TYW1: variants seen among roughly 807,000 people sequenced by gnomAD.
TYW1 encodes the protein tRNA-yW synthesizing protein 1 homolog, also known as S-adenosyl-L-methionine-dependent tRNA 4-demethylwyosine synthase TYW1.
In TYW1, 46 loss-of-function variants were observed where a neutral mutation model predicts 96.2. That is an observed-to-expected ratio of 0.48 (90% CI 0.38 to 0.61). The LOEUF is 0.61. Among genes scored for constraint, TYW1 ranks in the 20% least tolerant of loss-of-function variants. The probability of loss-of-function intolerance (pLI) is 0.00; values close to 1 mark genes in which losing one functional copy is unlikely to be tolerated. For missense variants in TYW1, 684 were observed against 909.6 expected (o/e 0.75, Z 3.19); for synonymous variants, 274 against 323.0 (o/e 0.85, Z 1.63).
At chr7:67,122,980 A>G (rs891741615) in intron 13 of TYW1, among the ~76,000 whole-genome samples, 4 of 152,230 alleles carry the variant, frequency 2.6e-5, no homozygotes, top group Non-Finnish European at 5.9e-5. Flanking sequence ...GAAGCATAAG[A>G]TAATGGTACA....
At chr7:67,013,795 G>C (rs1793905275) in intron 4 of TYW1, among the ~76,000 whole-genome samples, 1 of 140,308 alleles carries the variant, frequency 7.1e-6, no homozygotes, top group Non-Finnish European at 1.5e-5. Context: ...CCAGGCTGGA[G>C]TGCAGTGACG....
chr7:67,037,364 C>T (rs571605730), intron 7 of TYW1, among the ~76,000 whole-genome samples: 96 of 151,906 alleles, frequency 6.3e-4, no homozygotes, highest in Non-Finnish European at 1.2e-3. Context: ...ATTAGCCAGG[C>T]GTGGTGGTGC....
At position 66,998,144 on chromosome 7, in the gene TYW1, T is replaced by C; in HGVS notation, c.84T>C (p.Phe28=). ...WINRFYIYLG[F]AVSISLWICV... is the part of the protein sequence containing the mutation. Reference sequence around the variant, plus strand: ...ACAGGTTTTACATTTATTTGGGCTTTGCTGTTAGCATTAGCCTTTGGATTT... The same window carrying C: ...ACAGGTTTTACATTTATTTGGGCTTCGCTGTTAGCATTAGCCTTTGGATTT... The change falls in exon 2 of 16, where the codon TTT becomes TTC. Residue 28 remains phenylalanine (F), a synonymous_variant. Coordinates refer to ENST00000359626, the MANE Select transcript of TYW1 (RefSeq NM_018264.4). The C allele has an allele frequency of 6.2e-7, 1 of 1,613,364 alleles. No homozygotes were observed. The highest frequency in any genetic ancestry group is 8.5e-7 in the Non-Finnish European group (1 of 1,179,828).
intron 13 of TYW1, among the ~76,000 whole-genome samples, chr7:67,127,585 T>C (rs1270116979): frequency 6.6e-6 from 1 of 152,216 alleles, no homozygotes; most frequent in Non-Finnish European, 1.5e-5. Context: ...TTTGGCCAAA[T>C]TGCTATCTGT....
At chr7:67,120,244 G>C (rs1156283582) in intron 13 of TYW1, among the ~76,000 whole-genome samples, 2 of 151,902 alleles carry the variant, frequency 1.3e-5, no homozygotes, top group East Asian at 3.9e-4. Flanking sequence ...ACCATGCCCG[G>C]CTAATTTTTG....
chr7:67,108,840 A>C (rs1371440958), intron 12 of TYW1, among the ~76,000 whole-genome samples: 1 of 152,204 alleles, frequency 6.6e-6, no homozygotes, highest in Non-Finnish European at 1.5e-5. Context: ...CAGGGTCGAA[A>C]TTGTATAGAG....
intron 5 of TYW1, among the ~76,000 whole-genome samples, chr7:67,015,928 A>G (rs1361845322): frequency 6.6e-6 from 1 of 151,250 alleles, no homozygotes; most frequent in Non-Finnish European, 1.5e-5. Flanking sequence ...TCACCACTGC[A>G]CTCTAGCCTG....
intron 7 of TYW1, among the ~76,000 whole-genome samples, chr7:67,029,999 C>T (rs556124617): frequency 2.0e-5 from 3 of 152,290 alleles, no homozygotes; most frequent in Admixed American, 1.3e-4. Flanking sequence ...AAGAGATACT[C>T]TGGGGAGTGG....
chr7:67,103,552 C>T (rs544004180), intron 12 of TYW1, among the ~76,000 whole-genome samples: 20 of 152,232 alleles, frequency 1.3e-4, no homozygotes, highest in African/African-American at 4.1e-4. Flanking sequence ...GAGGCCTCTC[C>T]GAATTAAACT....
At chr7:67,035,143 G>A (rs897398767) in intron 7 of TYW1, among the ~76,000 whole-genome samples, 4 of 149,876 alleles carry the variant, frequency 2.7e-5, no homozygotes, top group African/African-American at 9.8e-5. Context: ...TTTTGAGATG[G>A]AGTCTTGCTC....
chr7:67,206,622 CATAAATAAATAAATAA>C (rs10622608), intron 15 of TYW1, among the ~76,000 whole-genome samples: 41 of 143,510 alleles, frequency 2.9e-4, no homozygotes, highest in East Asian at 1.2e-3. Context: ...CTGTCTCAAA[CATAAATAAATAAATAA>C]ATAAATAAAT....
intron 12 of TYW1, among the ~76,000 whole-genome samples, chr7:67,101,880 A>G (rs1195783257): frequency 6.6e-6 from 1 of 152,216 alleles, no homozygotes; most frequent in Admixed American, 6.5e-5. Context: ...GTGTATTGTC[A>G]TAAAGATATC....
chr7:67,085,016 G>A (rs930812062), intron 11 of TYW1, among the ~76,000 whole-genome samples: 7 of 151,906 alleles, frequency 4.6e-5, no homozygotes, highest in African/African-American at 1.5e-4. Flanking sequence ...CTTCTTTTCC[G>A]TCATATGCAA....
chr7:67,236,313 G>A (rs552448405), intron 15 of TYW1, among the ~76,000 whole-genome samples: 4 of 152,326 alleles, frequency 2.6e-5, no homozygotes, highest in Admixed American at 6.5e-5. Flanking sequence ...GTCTCAGGCC[G>A]TCTGTGGGAA....
At chr7:67,125,400 T>C (rs1797883157) in intron 13 of TYW1, among the ~76,000 whole-genome samples, 1 of 152,058 alleles carries the variant, frequency 6.6e-6, no homozygotes, top group Admixed American at 6.6e-5. Context: ...GATTTTTTTT[T>C]TTAATGGACT....
chr7:67,072,964 T>G lies in TYW1; in HGVS notation c.1274+5561T>G, dbSNP rs1278161460. 6.8e-4 allele frequency among the ~76,000 whole-genome samples: 64 copies of G among 93,538 alleles called. 1 individual carries two copies. The South Asian group carries it at 0.02, about 30-fold the overall frequency. 61.4% of individuals were successfully genotyped at this position (93,538 alleles called of 152,430 possible). A position where few individuals can be genotyped will look rare whatever the true frequency, so the allele number is the denominator to read the frequency against. On this transcript the variant is annotated intron_variant, in intron 10 of 15. Transcript: ENST00000359626. ...TTTTTTTTTTTTTTTTTTTTTTTTT[T>G]ATAGAGACAGGGTCTTGCTATGTTT...
chr7:67,194,685 G>A (rs1424164018), intron 14 of TYW1, among the ~76,000 whole-genome samples: 1 of 150,718 alleles, frequency 6.6e-6, no homozygotes, highest in Admixed American at 6.6e-5. Context: ...GAAAAAGTTT[G>A]CCAGTTTCAA....
chr7:67,207,621 A>G (rs66954241), intron 15 of TYW1, among the ~76,000 whole-genome samples: 40,159 of 150,612 alleles, frequency 0.27, 5,728 homozygotes, highest in African/African-American at 0.36. Flanking sequence ...GTTACAAAGT[A>G]GAACATTGAA....
At chr7:67,013,572 C>T (rs1004924879) in intron 4 of TYW1, among the ~76,000 whole-genome samples, 3 of 152,058 alleles carry the variant, frequency 2.0e-5, no homozygotes, top group African/African-American at 7.2e-5. Context: ...TAAGCAAGGT[C>T]ACCACATTCC....
Sources: allele counts gnomAD v4.1 joint callset (sites outside exome capture counted in the v4.1 genomes callset), GRCh38; gene constraint gnomAD v4.1.1; transcripts MANE v1.5; gene names NCBI Gene and HGNC (gene_info 2026-07-23, HGNC 2026-07-21).